Variants in ZNF81 observed in about 807,000 individuals in gnomAD.
The protein encoded by ZNF81 is zinc finger protein 81 (HFZ20).
In ZNF81, 5 loss-of-function variants were observed where a neutral mutation model predicts 32.3. The observed-to-expected ratio is 0.15, with a 90% CI of 0.08 to 0.33. The LOEUF (loss-of-function observed/expected upper bound fraction) is 0.33. Ranked by LOEUF, ZNF81 falls within the 10% of genes least tolerant of loss-of-function variation. The pLI is 1.00. For synonymous variants in ZNF81, 163 were observed against 166.8 expected, an observed-to-expected ratio of 0.98 and a Z score of 0.17; for missense variants, 379 against 479.8, an observed-to-expected ratio of 0.79 and a Z score of 1.96.
chrX:47,861,621 T>C (rs1447409472), intron 2 of ZNF81, among the ~76,000 whole-genome samples: 1 of 111,945 alleles, frequency 8.9e-6, no homozygotes, highest in Non-Finnish European at 1.9e-5. Context: ...ACTGGGCCAA[T>C]ACCAGCAACA....
At chrX:47,881,796 G>C (rs1381865534) in intron 2 of ZNF81, among the ~76,000 whole-genome samples, 1 of 110,506 alleles carries the variant, frequency 9.0e-6, no homozygotes, top group Non-Finnish European at 1.9e-5. Flanking sequence ...TATTTTTAGA[G>C]TCAGGGTCTC....
At position 47,905,824 on chromosome X, in the gene ZNF81, A is replaced by G. The variant is rs375913740; in HGVS notation, c.278-9100A>G. Among the ~76,000 whole-genome samples the G allele has an allele frequency of 2.7e-5, 3 of 112,758 alleles. No individual in the cohort carries two copies. The East Asian group carries it at 8.3e-4, about 31-fold the overall frequency. On this transcript the variant is annotated intron_variant, in intron 4 of 4. Transcript: ENST00000338637. ...AATTACAGCTGCGAAGCAATGACCT[A>G]GGAGATCCTGATTTCTCAAAGCGTA...
chrX:47,894,594 G>A (rs2058673498), intron 3 of ZNF81, among the ~76,000 whole-genome samples: 1 of 111,395 alleles, frequency 9.0e-6, no homozygotes, highest in East Asian at 2.8e-4. Flanking sequence ...AGAGCATAAG[G>A]TCACAGAGAC....
intron 1 of ZNF81, among the ~76,000 whole-genome samples, chrX:47,843,314 C>T (rs782624370): frequency 4.5e-5 from 5 of 110,877 alleles, no homozygotes; most frequent in Non-Finnish European, 9.4e-5. Flanking sequence ...TTGGAATGGA[C>T]ATATGTTTTA....
At chrX:47,862,427 G>C (rs782156047) in intron 2 of ZNF81, among the ~76,000 whole-genome samples, 1 of 108,857 alleles carries the variant, frequency 9.2e-6, no homozygotes, top group Non-Finnish European at 1.9e-5. Context: ...GAAGGCTGAG[G>C]CAAGAGAATC....
In ZNF81 at chrX:47,916,660, G is replaced by A; in HGVS notation, c.*28G>A. The A allele has an allele frequency of 8.5e-7, 1 of 1,177,307 alleles. No homozygotes were observed. The highest frequency in any genetic ancestry group is 1.1e-6 in the Non-Finnish European group (1 of 880,115). On this transcript the variant is annotated 3_prime_UTR_variant, in exon 5 of 5. Coordinates refer to ENST00000338637, the MANE Select transcript of ZNF81 (RefSeq NM_007137.5). ...GTAATCCTGTTTCTTGAAAATGAGAGCCTTATAAGGCTGACAAAAGTCAGG... is the reference window on the plus strand; with the variant it reads ...GTAATCCTGTTTCTTGAAAATGAGAACCTTATAAGGCTGACAAAAGTCAGG...
chrX:47,893,847 G>A (rs1449098248), intron 3 of ZNF81, among the ~76,000 whole-genome samples: 2 of 109,777 alleles, frequency 1.8e-5, no homozygotes, highest in African/African-American at 6.6e-5. Flanking sequence ...TCAGTGGACT[G>A]TCATCCAGAG....
At chrX:47,903,090 C>T (rs1286433137) in intron 4 of ZNF81, among the ~76,000 whole-genome samples, 2 of 110,547 alleles carry the variant, frequency 1.8e-5, no homozygotes, top group Non-Finnish European at 3.8e-5. Flanking sequence ...ATGACAAACC[C>T]ACAGCCAATA....
At chrX:47,843,575 T>G (rs1035724337) in intron 1 of ZNF81, among the ~76,000 whole-genome samples, 3 of 111,972 alleles carry the variant, frequency 2.7e-5, no homozygotes, top group African/African-American at 9.7e-5. Context: ...CAGGCTGGAC[T>G]GCAGTGATGC....
rs1378795138 is a variant in ZNF81, at chrX:47,919,975, A to T, written c.*3343A>T. The T allele has an allele frequency of 8.9e-6, 1 of 111,879 alleles. No homozygotes were observed. The highest frequency in any genetic ancestry group is 1.9e-5 in the Non-Finnish European group (1 of 53,168). The allele number at this position is 111,879 out of a possible 1,213,427, so 9.2% of individuals were successfully genotyped here. On this transcript the variant is annotated 3_prime_UTR_variant, in exon 5 of 5. Coordinates refer to ENST00000338637, the MANE Select transcript of ZNF81 (RefSeq NM_007137.5). Reference sequence around the variant, plus strand: ...TTTGCATCTAATAATTTTTGGCTGAATGTCACAGATGTTGTATGTAGGACA... The same window carrying T: ...TTTGCATCTAATAATTTTTGGCTGATTGTCACAGATGTTGTATGTAGGACA...
At chrX:47,841,664 T>G (rs2058450062) in intron 1 of ZNF81, 1 of 1,012,708 alleles carries the variant, frequency 9.9e-7, no homozygotes, top group Non-Finnish European at 1.4e-6. Context: ...GGAGATTTTC[T>G]GGAACCAAAG....
At chrX:47,838,924 C>T (rs2058435802) in intron 1 of ZNF81, among the ~76,000 whole-genome samples, 1 of 111,600 alleles carries the variant, frequency 9.0e-6, no homozygotes, top group African/African-American at 3.3e-5. Flanking sequence ...GTAGCTGGGA[C>T]TCCAGGCACA....
chrX:47,885,482 G>A (rs1233507598), intron 2 of ZNF81, among the ~76,000 whole-genome samples: 2 of 111,901 alleles, frequency 1.8e-5, no homozygotes, highest in South Asian at 3.7e-4. Flanking sequence ...TTGTCCTACT[G>A]TAACAACATT....
chrX:47,909,613 T>C (rs1556889613), intron 4 of ZNF81, among the ~76,000 whole-genome samples: 2 of 110,415 alleles, frequency 1.8e-5, no homozygotes, highest in Non-Finnish European at 3.8e-5. Context: ...TTTTCTTTTT[T>C]TTTAATTATT....
At chrX:47,862,184 A>G (rs2058542891) in intron 2 of ZNF81, among the ~76,000 whole-genome samples, 1 of 110,984 alleles carries the variant, frequency 9.0e-6, no homozygotes, top group African/African-American at 3.3e-5. Context: ...TCAAGATGCA[A>G]ATCACCATAT....
At chrX:47,865,755 G>A (rs1398776795) in intron 2 of ZNF81, among the ~76,000 whole-genome samples, 6 of 111,920 alleles carry the variant, frequency 5.4e-5, no homozygotes, top group Non-Finnish European at 1.1e-4. Context: ...TAGGTGTGAT[G>A]TTCAAAGAGA....
At chrX:47,854,309 GTCT>G (rs782726834) in intron 2 of ZNF81, among the ~76,000 whole-genome samples, 2 of 112,448 alleles carry the variant, frequency 1.8e-5, no homozygotes, top group African/African-American at 6.4e-5. Context: ...GGCTGGTTTG[GTCT>G]TCTTTCCAGA....
Position 47,876,956 on chromosome X carries a change from G to T in ZNF81, c.55-11043G>T, listed in dbSNP as rs782162931. Among the ~76,000 whole-genome samples, 8 of 112,230 alleles carry T rather than the reference G, an allele frequency of 7.1e-5. No homozygotes were observed. The East Asian group carries it at 2.3e-3, about 32-fold the overall frequency. Reference sequence around the variant, plus strand: ...GAGAGGAAGGGAGATGGATTGGGGAGTGGCTTGCATGTCTCACTACCATGT... The same window carrying T: ...GAGAGGAAGGGAGATGGATTGGGGATTGGCTTGCATGTCTCACTACCATGT... On this transcript the variant is annotated intron_variant, in intron 2 of 4. Transcript: ENST00000338637.
chrX:47,858,329 A>G (rs1187830846), intron 2 of ZNF81, among the ~76,000 whole-genome samples: 2 of 112,091 alleles, frequency 1.8e-5, no homozygotes, highest in Non-Finnish European at 3.8e-5. Context: ...TCACTGAAGT[A>G]GTGAAGGCTG....
Sources: allele counts gnomAD v4.1 joint callset (sites outside exome capture counted in the v4.1 genomes callset), GRCh38; gene constraint gnomAD v4.1.1; transcripts MANE v1.5; gene names NCBI Gene and HGNC (gene_info 2026-07-23, HGNC 2026-07-21).